Variants in NAALADL2 observed in about 807,000 individuals in gnomAD.
NAALADL2 encodes inactive N-acetylated-alpha-linked acidic dipeptidase-like protein 2.
A neutral mutation model predicts 87.2 loss-of-function variants in NAALADL2; 76 were observed. That is an observed-to-expected ratio of 0.87 (90% CI 0.72 to 1.05). The LOEUF (loss-of-function observed/expected upper bound fraction) is 1.05, where lower values mean the gene tolerates loss of function less well. Among genes scored for constraint, NAALADL2 ranks in the 50% least tolerant of loss-of-function variants. The pLI is 0.00. For missense variants in NAALADL2, 1,089 were observed against 945.8 expected, an observed-to-expected ratio of 1.15 and a Z score of -1.99; for synonymous variants, 354 against 331.0, an observed-to-expected ratio of 1.07 and a Z score of -0.75.
chr3:175,541,051 A>G (rs1423342677), intron 9 of NAALADL2, among the ~76,000 whole-genome samples: 8 of 152,198 alleles, frequency 5.3e-5, no homozygotes, highest in African/African-American at 2.4e-5. Context: ...ATACTTTCAG[A>G]TGAAGACCTC....
chr3:175,376,170 A>G (rs1581642099), intron 5 of NAALADL2, among the ~76,000 whole-genome samples: 1 of 152,122 alleles, frequency 6.6e-6, no homozygotes, highest in Non-Finnish European at 1.5e-5. Context: ...GAAAGAAAAA[A>G]AGTATTTTTA....
Position 175,097,081 on chromosome 3 carries a change from G to C in NAALADL2, c.335G>C (p.Arg112Pro), listed in dbSNP as rs1464724825. The C allele has an allele frequency of 1.2e-6, 2 of 1,613,592 alleles. No homozygotes were observed. The highest frequency in any genetic ancestry group is 1.7e-6 in the Non-Finnish European group (2 of 1,179,638). Residue 112 changes from arginine (R) to proline (P), a missense_variant, in exon 2 of 14, where the codon CGA becomes CCA. Coordinates refer to ENST00000454872, the MANE Select transcript of NAALADL2 (RefSeq NM_207015.3). Reference sequence around the variant, plus strand: ...TCTGACTACATTACCCATTATACACGATCTGCACCAAAGAGCAATCGCTGC... The same window carrying C: ...TCTGACTACATTACCCATTATACACCATCTGCACCAAAGAGCAATCGCTGC... ...EESDYITHYT[R>P]SAPKSNRCNF...
At chr3:175,185,831 CAAAAAA>C (rs1430678522) in intron 2 of NAALADL2, among the ~76,000 whole-genome samples, 12 of 150,922 alleles carry the variant, frequency 8.0e-5, no homozygotes, top group African/African-American at 2.9e-4. Context: ...TATAAATAGC[CAAAAAA>C]CAAGCCCTCA....
intron 3 of NAALADL2, among the ~76,000 whole-genome samples, chr3:174,765,097 A>G (rs1421122290): frequency 6.6e-6 from 1 of 151,286 alleles, no homozygotes; most frequent in African/African-American, 2.4e-5. Flanking sequence ...TAGACTGGAT[A>G]AAATACACAC....
intron 3 of NAALADL2, among the ~76,000 whole-genome samples, chr3:174,837,090 G>A (rs1212348193): frequency 1.3e-5 from 2 of 152,002 alleles, no homozygotes; most frequent in Admixed American, 6.6e-5. Context: ...TAAGGAACTA[G>A]AGAAACAAGA....
chr3:175,675,304 A>T (rs955616145), intron 11 of NAALADL2: 8 of 152,274 alleles, frequency 5.3e-5, no homozygotes, highest in African/African-American at 1.4e-4. Context: ...ACATCATATG[A>T]CCATTCTGAG....
At chr3:175,630,505 G>A (rs2149725055) in intron 11 of NAALADL2, among the ~76,000 whole-genome samples, 1 of 151,486 alleles carries the variant, frequency 6.6e-6, no homozygotes, top group Middle Eastern at 3.4e-3. Flanking sequence ...AATCTTTCAA[G>A]TAGGCCCTTA....
At chr3:175,007,540 T>G (rs1749200804) in intron 1 of NAALADL2, among the ~76,000 whole-genome samples, 1 of 152,084 alleles carries the variant, frequency 6.6e-6, no homozygotes, top group Admixed American at 6.6e-5. Flanking sequence ...GGCTATAGAT[T>G]TAGTATGTCT....
chr3:175,524,185 A>G (rs1428718341), intron 9 of NAALADL2, among the ~76,000 whole-genome samples: 2 of 152,164 alleles, frequency 1.3e-5, no homozygotes, highest in Non-Finnish European at 2.9e-5. Flanking sequence ...GGATAATTTG[A>G]AGTAGAATTG....
Position 175,069,561 on chromosome 3 carries a change from G to A in NAALADL2, c.44-27229G>A, listed in dbSNP as rs1215023843. Among the ~76,000 whole-genome samples the A allele has an allele frequency of 1.4e-4, 21 of 150,366 alleles. No individual in the cohort carries two copies. In the East Asian group the frequency reaches 2.4e-3, roughly 17 times the overall value. On this transcript the variant is annotated intron_variant, in intron 1 of 13. Coordinates refer to ENST00000454872, the MANE Select transcript of NAALADL2 (RefSeq NM_207015.3). ...AAATAGGAACACTTTTACAGTGTTGGTGGGACTGTAAACTAGTTCAACCAT... is the reference window on the plus strand; with the variant it reads ...AAATAGGAACACTTTTACAGTGTTGATGGGACTGTAAACTAGTTCAACCAT...
intron 2 of NAALADL2, among the ~76,000 whole-genome samples, chr3:174,564,988 A>C (rs1054339243): frequency 6.6e-6 from 1 of 152,040 alleles, no homozygotes; most frequent in Non-Finnish European, 1.5e-5. Context: ...TTGAGCAGTT[A>C]TAGAGGGTAT....
At chr3:174,599,477 T>C (rs531198282) in intron 2 of NAALADL2, among the ~76,000 whole-genome samples, 13 of 152,202 alleles carry the variant, frequency 8.5e-5, no homozygotes, top group African/African-American at 1.4e-4. Flanking sequence ...AGAATAACTA[T>C]GTCTACTTGT....
At chr3:174,517,879 GA>G (rs1252364152) in intron 1 of NAALADL2, among the ~76,000 whole-genome samples, 1 of 152,052 alleles carries the variant, frequency 6.6e-6, no homozygotes, top group Non-Finnish European at 1.5e-5. Flanking sequence ...TTAAATGACA[GA>G]ATGTCATTTT....
chr3:175,471,003 T>C (rs1724782073), intron 8 of NAALADL2, among the ~76,000 whole-genome samples: 1 of 152,188 alleles, frequency 6.6e-6, no homozygotes, highest in South Asian at 2.1e-4. Context: ...TAAAATTAAG[T>C]TGCATTCATA....
At chr3:175,261,735 C>T (rs1399955236) in intron 4 of NAALADL2, among the ~76,000 whole-genome samples, 1 of 151,706 alleles carries the variant, frequency 6.6e-6, no homozygotes, top group Admixed American at 6.6e-5. Context: ...TTGTAGTTTC[C>T]TACAAATGAA....
chr3:174,884,971 G>A (rs964895379), intron 1 of NAALADL2, among the ~76,000 whole-genome samples: 1 of 152,072 alleles, frequency 6.6e-6, no homozygotes, highest in African/African-American at 2.4e-5. Context: ...GTTGTCTCAG[G>A]CAGCACAGTG....
At chr3:175,347,171 G>A (rs1763243432) in intron 5 of NAALADL2, among the ~76,000 whole-genome samples, 1 of 152,142 alleles carries the variant, frequency 6.6e-6, no homozygotes, top group Non-Finnish European at 1.5e-5. Context: ...GCTACCCTCA[G>A]CATTAATTTT....
chr3:174,571,326 A>G (rs750085423), intron 2 of NAALADL2, among the ~76,000 whole-genome samples: 24 of 152,174 alleles, frequency 1.6e-4, no homozygotes, highest in Non-Finnish European at 2.5e-4. Flanking sequence ...CAGGGCAATG[A>G]CAGTAGTATA....
At chr3:174,714,965 A>G (rs1462069573) in intron 2 of NAALADL2, among the ~76,000 whole-genome samples, 1 of 152,160 alleles carries the variant, frequency 6.6e-6, no homozygotes, top group Non-Finnish European at 1.5e-5. Flanking sequence ...ATTTTGAGAT[A>G]TGTCCCATCA....
Sources: gnomAD v4.1 joint callset for allele counts (sites outside exome capture counted in the v4.1 genomes callset) on GRCh38, gnomAD v4.1.1 for gene constraint, MANE v1.5 for transcripts, NCBI Gene and HGNC (gene_info 2026-07-23, HGNC 2026-07-21) for gene names.